ALDH1L2: variants seen among roughly 807,000 people sequenced by gnomAD.
ALDH1L2 encodes the protein aldehyde dehydrogenase 1 family member L2.
Under a neutral mutation model 111.0 loss-of-function variants are expected in ALDH1L2, and 91 were observed. That is an observed-to-expected ratio of 0.82 (90% CI 0.69 to 0.98). ALDH1L2 has a LOEUF of 0.98. Ranked by LOEUF, ALDH1L2 falls within the 50% of genes least tolerant of loss-of-function variation. The probability of loss-of-function intolerance (pLI) is 0.00; values close to 1 mark genes in which losing one functional copy is unlikely to be tolerated. For synonymous variants in ALDH1L2, 374 were observed against 392.6 expected (o/e 0.95, Z 0.56); for missense variants, 995 against 1,126.8 (o/e 0.88, Z 1.67).
intron 22 of ALDH1L2, among the ~76,000 whole-genome samples, chr12:105,024,799 CAG>C (rs1874334490): frequency 1.3e-5 from 2 of 152,212 alleles, no homozygotes; most frequent in Admixed American, 1.3e-4. Flanking sequence ...TTCTAAGGAG[CAG>C]AGAGTGTTGC....
chr12:105,036,510 TA>T (rs1565952123), intron 18 of ALDH1L2, among the ~76,000 whole-genome samples: 1,042 of 71,602 alleles, frequency 0.015, 123 homozygotes, highest in South Asian at 0.04. Context: ...TGTATATATA[TA>T]TTTTATATAT....
At chr12:105,066,028 G>T (rs958893696) in intron 5 of ALDH1L2, among the ~76,000 whole-genome samples, 2 of 152,054 alleles carry the variant, frequency 1.3e-5, no homozygotes, top group Non-Finnish European at 2.9e-5. Context: ...TGGCCAGGCT[G>T]GTCTCGAATG....
At position 105,070,700 on chromosome 12, in the gene ALDH1L2, C is replaced by T; in HGVS notation, c.298G>A (p.Ala100Thr). 1 of 1,614,216 alleles carries T rather than the reference C, an allele frequency of 6.2e-7. No individual in the cohort carries two copies. Among genetic ancestry groups the T allele is most frequent in the Non-Finnish European group, 8.5e-7 (1 of 1,180,040 alleles). The change falls in exon 3 of 23, where the codon GCA (alanine) becomes ACA (threonine). Residue 100 changes from alanine (A) to threonine (T), a missense_variant. Transcript: ENST00000258494. The stretch of plus-strand genomic sequence containing the variant: ...CAGAAAGGGAGCACATTTAGCTCTG[C>T]ACCCACGGATCTGTAGGCTTCTGCC... The part of the protein sequence containing the change: ...EVAEAYRSVG[A>T]ELNVLPFCTQ...
At chr12:105,035,423 A>C (rs1163897247) in intron 18 of ALDH1L2, among the ~76,000 whole-genome samples, 1 of 151,952 alleles carries the variant, frequency 6.6e-6, no homozygotes, top group East Asian at 1.9e-4. Flanking sequence ...TCCTGGGCTG[A>C]AGTGATCCTC....
At position 105,038,100 on chromosome 12, in the gene ALDH1L2, T is replaced by TA; in HGVS notation, c.2145+2dup. 2 of 1,612,518 alleles carry TA rather than the reference T, an allele frequency of 1.2e-6. No individual in the cohort carries two copies. The highest frequency in any genetic ancestry group is 8.5e-7 in the Non-Finnish European group (1 of 1,178,838). ...TATTTACTTAAATTTGACCCTCTCT[T>TA]ACCATTCGCACAGCCTTGTCAAGTT... On this transcript the variant is annotated splice_region_variant and intron_variant, in intron 18 of 22. Transcript: ENST00000258494.
chr12:105,070,496 G>C, intron 3 of ALDH1L2, 74 bp downstream of exon 3: 1 of 1,245,744 alleles, frequency 8.0e-7, no homozygotes, highest in Non-Finnish European at 1.1e-6. Flanking sequence ...TTTGAGCCCA[G>C]GAGTTTGAAC....
rs1393848682 is a variant in ALDH1L2, at chr12:105,039,776, T to G, written c.1982A>C (p.His661Pro). Reference protein sequence around the residue: ...GGIAGQRLSEHPDIRKLGFTG... With the variant: ...GGIAGQRLSEPPDIRKLGFTG... ...GAAACCAAGTTTGCGGATGTCAGGATGTTCAGACAGACGTTGTCCTGCTAT... is the reference window on the plus strand; with the variant it reads ...GAAACCAAGTTTGCGGATGTCAGGAGGTTCAGACAGACGTTGTCCTGCTAT... Residue 661 changes from histidine to proline, a missense_variant, in exon 17 of 23, where the codon CAT (histidine) becomes CCT (proline). Physicochemically the swap from His to Pro is moderately conservative, Grantham distance 77 (BLOSUM62 -2). Transcript: ENST00000258494. 9.3e-6 allele frequency: 15 copies of G among 1,613,978 alleles called. No individual in the cohort carries two copies. Among genetic ancestry groups the G allele is most frequent in the Admixed American group, 3.3e-5 (2 of 59,998 alleles).
At chr12:105,041,673 G>A (rs570960884) in intron 15 of ALDH1L2, among the ~76,000 whole-genome samples, 10 of 152,164 alleles carry the variant, frequency 6.6e-5, no homozygotes, top group Admixed American at 1.3e-4. Context: ...TTCCTTTTAC[G>A]TGTAGTAGTT....
intron 7 of ALDH1L2, among the ~76,000 whole-genome samples, chr12:105,061,964 T>C (rs1592795027): frequency 6.6e-6 from 1 of 152,164 alleles, no homozygotes; most frequent in Non-Finnish European, 1.5e-5. Context: ...CAGGGATAGG[T>C]ACATCTCAAA....
chr12:105,052,258 G>A, intron 11 of ALDH1L2, 41 bp from the exon 12 acceptor site: 1 of 1,509,090 alleles, frequency 6.6e-7, no homozygotes, highest in African/African-American at 1.4e-5. Flanking sequence ...TGAGAGATAT[G>A]AAAATATGGT....
intron 10 of ALDH1L2, among the ~76,000 whole-genome samples, chr12:105,056,204 A>G (rs1301199515): frequency 6.6e-6 from 1 of 152,138 alleles, no homozygotes; most frequent in South Asian, 2.1e-4. Context: ...CCTTAATAAA[A>G]TTACCAGTTG....
intron 21 of ALDH1L2, among the ~76,000 whole-genome samples, chr12:105,029,513 A>C (rs17036608): frequency 0.094 from 14,332 of 152,234 alleles, 748 homozygotes; most frequent in Middle Eastern, 0.13. Flanking sequence ...AGATTCCCTC[A>C]AACCTGACTT....
intron 1 of ALDH1L2, among the ~76,000 whole-genome samples, chr12:105,081,571 G>C (rs1304690047): frequency 6.6e-6 from 1 of 152,204 alleles, no homozygotes; most frequent in Non-Finnish European, 1.5e-5. Context: ...AATGAATAGA[G>C]GGCTAAATAA....
At chr12:105,082,686 A>G (rs7132855) in intron 1 of ALDH1L2, among the ~76,000 whole-genome samples, 130,191 of 152,222 alleles carry the variant, frequency 0.86, 55,824 homozygotes, top group South Asian at 0.94. Flanking sequence ...CTATGCGGGC[A>G]AATAAGGTTT....
At chr12:105,048,833 C>G (rs1354200586) in intron 13 of ALDH1L2, among the ~76,000 whole-genome samples, 2 of 151,980 alleles carry the variant, frequency 1.3e-5, no homozygotes, top group Non-Finnish European at 2.9e-5. Flanking sequence ...GAGTTCGAGA[C>G]CAGCCTGGCC....
chr12:105,042,984 TG>T (rs1875630625), intron 15 of ALDH1L2, among the ~76,000 whole-genome samples: 1 of 152,080 alleles, frequency 6.6e-6, no homozygotes, highest in Non-Finnish European at 1.5e-5. Context: ...TCCATTGAGG[TG>T]GGAAAAGAAA....
intron 1 of ALDH1L2, among the ~76,000 whole-genome samples, chr12:105,080,560 T>C (rs891372923): frequency 6.6e-6 from 1 of 152,224 alleles, no homozygotes; most frequent in Non-Finnish European, 1.5e-5. Flanking sequence ...GTTAGTTCAC[T>C]TCTGGGTCTC....
chr12:105,047,652 T>C (rs997055729), intron 13 of ALDH1L2: 2 of 152,260 alleles, frequency 1.3e-5, no homozygotes, highest in Non-Finnish European at 2.9e-5. Context: ...GGCTGTTATA[T>C]GCAGCCAACT....
intron 13 of ALDH1L2, chr12:105,049,616 C>T (rs1876128517): frequency 4.8e-6 from 1 of 206,876 alleles, no homozygotes; most frequent in Non-Finnish European, 9.8e-6. Flanking sequence ...ACACACCGTT[C>T]CTCTGCTCCA....
Sources: gnomAD v4.1 joint callset for allele counts (sites outside exome capture counted in the v4.1 genomes callset) on GRCh38, gnomAD v4.1.1 for gene constraint, MANE v1.5 for transcripts, NCBI Gene and HGNC (gene_info 2026-07-23, HGNC 2026-07-21) for gene names.